The following CYYR1 variants were observed in gnomAD, a reference collection of about 807,000 sequenced individuals.
CYYR1 encodes cysteine and tyrosine-rich protein 1.
A neutral mutation model predicts 15.2 loss-of-function variants in CYYR1; 14 were observed. That is an observed-to-expected ratio of 0.92 (90% CI 0.61 to 1.44). The LOEUF is 1.44. Among genes scored for constraint, CYYR1 ranks in the 40% most tolerant of loss-of-function variants. The pLI, the probability that CYYR1 is intolerant of heterozygous loss-of-function variation, is 0.00. For synonymous variants in CYYR1, 80 were observed against 77.4 expected (o/e 1.03, Z -0.18); for missense variants, 228 against 209.5 (o/e 1.09, Z -0.54).
chr21:26,516,956 A>C (rs111668274), intron 2 of CYYR1, among the ~76,000 whole-genome samples: 2,873 of 150,728 alleles, frequency 0.019, 91 homozygotes, highest in African/African-American at 0.066. Flanking sequence ...TCTACTAAAA[A>C]TACAAAAAAT....
intron 2 of CYYR1, among the ~76,000 whole-genome samples, chr21:26,556,355 G>T (rs1212168658): frequency 6.6e-6 from 1 of 152,120 alleles, no homozygotes; most frequent in Non-Finnish European, 1.5e-5. Flanking sequence ...CTTTGATAGT[G>T]AGTTGGCAGA....
At chr21:26,490,443 T>C (rs1449792510) in intron 2 of CYYR1, among the ~76,000 whole-genome samples, 2 of 152,146 alleles carry the variant, frequency 1.3e-5, no homozygotes, top group Non-Finnish European at 2.9e-5. Flanking sequence ...CAAAGAGATT[T>C]TGAAGGTCAA....
chr21:26,501,078 G>A (rs933649267), intron 2 of CYYR1, among the ~76,000 whole-genome samples: 4 of 152,154 alleles, frequency 2.6e-5, no homozygotes, highest in African/African-American at 7.2e-5. Flanking sequence ...AGTGACTTAC[G>A]CCTGTAATCC....
chr21:26,566,750 A>G (rs987511152), intron 1 of CYYR1, among the ~76,000 whole-genome samples: 2 of 152,086 alleles, frequency 1.3e-5, no homozygotes, highest in Admixed American at 1.3e-4. Flanking sequence ...TGGCTCACGC[A>G]TGTAATCCCA....
chr21:26,508,185 A>G (rs551169074), intron 2 of CYYR1, among the ~76,000 whole-genome samples: 1 of 152,296 alleles, frequency 6.6e-6, no homozygotes, highest in East Asian at 1.9e-4. Context: ...GGATGCTTGG[A>G]AAACAACAAG....
Position 26,540,292 on chromosome 21 carries a change from GA to G in CYYR1, c.176+25973del, listed in dbSNP as rs1978454654. On this transcript the variant is annotated intron_variant, in intron 2 of 3. Coordinates refer to ENST00000652641, the MANE Select transcript of CYYR1 (RefSeq NM_001320768.2). ...TAAATTGGAAGTGAATCAAAACTGGGAAGAAGGAAATGGAACTGAGTAGCGT... is the reference window on the plus strand; with the variant it reads ...TAAATTGGAAGTGAATCAAAACTGGGAGAAGGAAATGGAACTGAGTAGCGT... 2.0e-5 allele frequency among the ~76,000 whole-genome samples: 3 copies of G among 152,154 alleles called. No homozygotes were observed. In the South Asian group the frequency reaches 6.2e-4, roughly 32 times the overall value.
At chr21:26,547,301 G>A (rs1015952826) in intron 2 of CYYR1, among the ~76,000 whole-genome samples, 1 of 151,864 alleles carries the variant, frequency 6.6e-6, no homozygotes, top group African/African-American at 2.4e-5. Context: ...GTCCAGACTC[G>A]CCAAAGAAAA....
intron 2 of CYYR1, among the ~76,000 whole-genome samples, chr21:26,522,634 C>G (rs989508984): frequency 2.6e-5 from 4 of 152,150 alleles, no homozygotes; most frequent in Non-Finnish European, 5.9e-5. Flanking sequence ...TTTATGAGCA[C>G]TCACTCTACA....
At chr21:26,515,947 A>G (rs909357853) in intron 2 of CYYR1, among the ~76,000 whole-genome samples, 1 of 152,142 alleles carries the variant, frequency 6.6e-6, no homozygotes, top group African/African-American at 2.4e-5. Flanking sequence ...CAGTCAATGC[A>G]ATTCTTTCTG....
chr21:26,513,970 G>A (rs144929289), intron 2 of CYYR1, among the ~76,000 whole-genome samples: 6,891 of 151,060 alleles, frequency 0.046, 199 homozygotes, highest in South Asian at 0.073. Flanking sequence ...TGTAAATGAC[G>A]AGTTAATGGG....
chr21:26,513,637 C>T (rs1025944045), intron 2 of CYYR1, among the ~76,000 whole-genome samples: 3 of 152,130 alleles, frequency 2.0e-5, no homozygotes, highest in South Asian at 4.2e-4. Flanking sequence ...AACCTATTGA[C>T]CAGACCAAGT....
At chr21:26,485,391 C>T (rs147041766) in intron 2 of CYYR1, among the ~76,000 whole-genome samples, 158 of 152,122 alleles carry the variant, frequency 1.0e-3, no homozygotes, top group South Asian at 1.9e-3. Flanking sequence ...AGTCATATAA[C>T]CACTACAGCA....
In CYYR1 at chr21:26,505,982, C is replaced by T. The variant is rs1188491218; in HGVS notation, c.177-25553G>A. ...ATAATTCACAGCAGTACAATATATA[C>T]ATATTAAATATGCTGCATGATGAAT... On this transcript the variant is annotated intron_variant, in intron 2 of 3. Coordinates refer to ENST00000652641, the MANE Select transcript of CYYR1 (RefSeq NM_001320768.2). 3.9e-5 allele frequency among the ~76,000 whole-genome samples: 6 copies of T among 152,090 alleles called. No individual in the cohort carries two copies. The East Asian group carries it at 1.2e-3, about 29-fold the overall frequency.
rs145628584 is a variant in CYYR1 at position 26,469,493 on chromosome 21, T to C, written c.335-859A>G. On this transcript the variant is annotated intron_variant, in intron 3 of 3. Coordinates refer to ENST00000652641, the MANE Select transcript of CYYR1 (RefSeq NM_001320768.2). Reference sequence around the variant, plus strand: ...AGTTTTTAAATTTTAAATAATTTTATTTTTTTGAATTGACAAATAATAATT... The same window carrying C: ...AGTTTTTAAATTTTAAATAATTTTACTTTTTTGAATTGACAAATAATAATT... 6.6e-3 allele frequency among the ~76,000 whole-genome samples: 1,009 copies of C among 152,324 alleles called. 14 individuals are homozygous for C. Among genetic ancestry groups the C allele is most frequent in the Non-Finnish European group, 9.1e-3 (618 of 68,032 alleles).
intron 2 of CYYR1, among the ~76,000 whole-genome samples, chr21:26,490,975 T>C (rs987551562): frequency 6.6e-6 from 1 of 152,342 alleles, no homozygotes; most frequent in Non-Finnish European, 1.5e-5. Flanking sequence ...TAAGACCTGA[T>C]GACTGATCCA....
intron 2 of CYYR1, chr21:26,564,625 G>T: frequency 1.1e-6 from 1 of 919,692 alleles, no homozygotes; most frequent in Non-Finnish European, 1.3e-6. Flanking sequence ...AAAATATTCT[G>T]ATTAATAAGT....
Position 26,508,018 on chromosome 21 carries a change from C to T in CYYR1, c.177-27589G>A, listed in dbSNP as rs575684083. 3.3e-5 allele frequency among the ~76,000 whole-genome samples: 5 copies of T among 152,144 alleles called. No homozygotes were observed. The South Asian group carries it at 1.0e-3, about 32-fold the overall frequency. On this transcript the variant is annotated intron_variant, in intron 2 of 3. Transcript: ENST00000652641. Reference sequence around the variant, plus strand: ...ATAGTCACCTTTGAAATAAAGTTACCTATGAGGGATCCTGAAGGTGAGATC... The same window carrying T: ...ATAGTCACCTTTGAAATAAAGTTACTTATGAGGGATCCTGAAGGTGAGATC...
chr21:26,506,924 T>G (rs1332288800), intron 2 of CYYR1, among the ~76,000 whole-genome samples: 1 of 151,968 alleles, frequency 6.6e-6, no homozygotes, highest in African/African-American at 2.4e-5. Flanking sequence ...AGTAGAAAAA[T>G]CCATAATATC....
At chr21:26,531,420 G>T (rs746777747) in intron 2 of CYYR1, among the ~76,000 whole-genome samples, 14 of 152,100 alleles carry the variant, frequency 9.2e-5, no homozygotes, top group Non-Finnish European at 1.3e-4. Flanking sequence ...TAATCCCCAC[G>T]TGTTGAAGGA....
Sources: allele counts gnomAD v4.1 joint callset (sites outside exome capture counted in the v4.1 genomes callset), GRCh38; gene constraint gnomAD v4.1.1; transcripts MANE v1.5; gene names NCBI Gene and HGNC (gene_info 2026-07-23, HGNC 2026-07-21).